H2BC4: variants seen among roughly 807,000 people sequenced by gnomAD.
H2BC4 encodes H2B clustered histone 4, also known as histone H2B type 1-C/E/F/G/I.
Under a neutral mutation model 6.2 loss-of-function variants are expected in H2BC4, and 10 were observed. That is an observed-to-expected ratio of 1.61 (90% CI 0.99 to 2.73). The LOEUF (loss-of-function observed/expected upper bound fraction) is 2.73. H2BC4 is among the 30% of genes most tolerant of loss of function. H2BC4 has a pLI of 0.00. For synonymous variants in H2BC4, 146 were observed against 70.7 expected, an observed-to-expected ratio of 2.07 and a Z score of -5.35; for missense variants, 176 against 168.7, an observed-to-expected ratio of 1.04 and a Z score of -0.24.
At chr6:26,114,914 G>A (rs1763400763) in exon 2 of H2BC4, 1 of 152,046 alleles carries the variant, frequency 6.6e-6, no homozygotes, top group African/African-American at 2.4e-5. Context: ...TATGTTTCCT[G>A]TGTCATAAAT....
intron 1 of H2BC4, among the ~76,000 whole-genome samples, chr6:26,115,803 T>A (rs2113793576): frequency 6.6e-6 from 1 of 152,338 alleles, no homozygotes; most frequent in African/African-American, 2.4e-5. Flanking sequence ...TAAAAATATA[T>A]TTATTTCAGT....
chr6:26,119,558 TC>T (rs1763471599), downstream of H2BC4, among the ~76,000 whole-genome samples: 1 of 152,198 alleles, frequency 6.6e-6, no homozygotes, highest in African/African-American at 2.4e-5. Flanking sequence ...AATGACATTA[TC>T]TATTATCATT....
downstream of H2BC4, among the ~76,000 whole-genome samples, chr6:26,119,644 C>G (rs994973939): frequency 5.3e-5 from 8 of 151,844 alleles, no homozygotes; most frequent in African/African-American, 1.9e-4. Flanking sequence ...ACCAGTACAA[C>G]TAGTGGAAGA....
At chr6:26,123,012 G>T (rs1364842017), downstream of H2BC4, among the ~76,000 whole-genome samples, 1 of 152,176 alleles carries the variant, frequency 6.6e-6, no homozygotes, top group Non-Finnish European at 1.5e-5. Context: ...AAAACAGAGG[G>T]GGAGTCCTTC....
At chr6:26,113,708 T>G (rs1317517758), downstream of H2BC4, among the ~76,000 whole-genome samples, 1 of 152,176 alleles carries the variant, frequency 6.6e-6, no homozygotes, top group Non-Finnish European at 1.5e-5. Flanking sequence ...CAACAAAATT[T>G]TATCACAGTT....
downstream of H2BC4, among the ~76,000 whole-genome samples, chr6:26,113,744 G>A (rs1387591644): frequency 6.6e-6 from 1 of 152,064 alleles, no homozygotes; most frequent in East Asian, 1.9e-4. Flanking sequence ...CTCAGAGCAG[G>A]GTATAGCATG....
At chr6:26,121,816 G>A (rs993536808), downstream of H2BC4, among the ~76,000 whole-genome samples, 1 of 151,598 alleles carries the variant, frequency 6.6e-6, no homozygotes, top group Non-Finnish European at 1.5e-5. Flanking sequence ...ACTTTGGGAG[G>A]CCAAGGCGGG....
chr6:26,123,518 G>T lies in H2BC4; in HGVS notation c.*6C>A. The T allele has an allele frequency of 7.4e-6, 12 of 1,614,204 alleles. No individual in the cohort carries two copies. The highest frequency in any genetic ancestry group is 1.7e-5 in the Admixed American group (1 of 60,032). ...GGTTAGGTGTTAAGACGCTTACTTG[G>T]AATGTTTACTTGGAGCTGGTGTACT... On this transcript the variant is annotated 3_prime_UTR_variant, in exon 1 of 1. Coordinates refer to ENST00000396984, the MANE Select transcript of H2BC4 (RefSeq NM_003526.3).
chr6:26,113,559 T>C (rs1763385619), downstream of H2BC4, among the ~76,000 whole-genome samples: 1 of 152,176 alleles, frequency 6.6e-6, no homozygotes, highest in Non-Finnish European at 1.5e-5. Context: ...CCTCACTTGT[T>C]TCTGGCTTTT....
chr6:26,113,332 A>G (rs1763382850), downstream of H2BC4, among the ~76,000 whole-genome samples: 1 of 152,188 alleles, frequency 6.6e-6, no homozygotes, highest in African/African-American at 2.4e-5. Flanking sequence ...TTTTCTACAT[A>G]CTTTGCATTT....
downstream of H2BC4, among the ~76,000 whole-genome samples, chr6:26,119,892 T>G (rs974528567): frequency 1.3e-4 from 20 of 152,062 alleles, no homozygotes; most frequent in African/African-American, 4.8e-4. Flanking sequence ...TTAAGTTATT[T>G]AAAAATTGTG....
chr6:26,115,591 G>T (rs996972910), intron 1 of H2BC4, among the ~76,000 whole-genome samples: 3 of 152,114 alleles, frequency 2.0e-5, no homozygotes, highest in South Asian at 2.1e-4. Context: ...AGCGACGAAG[G>T]CCAGGCCGTG....
chr6:26,116,919 G>C (rs1763428440), intron 1 of H2BC4, among the ~76,000 whole-genome samples: 1 of 152,090 alleles, frequency 6.6e-6, no homozygotes, highest in African/African-American at 2.4e-5. Context: ...TGGTCATCCA[G>C]GATTACACAG....
At chr6:26,117,943 G>A (rs1410825026) in intron 1 of H2BC4, among the ~76,000 whole-genome samples, 1 of 152,116 alleles carries the variant, frequency 6.6e-6, no homozygotes, top group African/African-American at 2.4e-5. Context: ...TGATTCTCTA[G>A]AAACACTTAA....
downstream of H2BC4, among the ~76,000 whole-genome samples, chr6:26,120,410 C>T (rs893458935): frequency 1.6e-4 from 24 of 151,490 alleles, no homozygotes; most frequent in African/African-American, 5.3e-4. Flanking sequence ...GATTGTGCCA[C>T]TGCACCCCAG....
Position 26,123,787 on chromosome 6 carries a change from C to G in H2BC4, c.118G>C (p.Val40Leu). ...RKRSRKESYS[V>L]YVYKVLKQVH... ...TGTTTCAGCACCTTGTACACGTACA[C>G]AGAGTAACTCTCCTTGCGGCTGCGC... is the stretch of plus-strand genomic sequence containing the variant. The change falls in exon 1 of 1, where the codon GTG (valine) becomes CTG (leucine). Residue 40 changes from valine (V) to leucine (L), a missense_variant. By Grantham distance (32) the Val-to-Leu change is conservative. Coordinates refer to ENST00000396984, the MANE Select transcript of H2BC4 (RefSeq NM_003526.3). 1 of 1,614,274 alleles carries G rather than the reference C, an allele frequency of 6.2e-7. No homozygotes were observed. Among genetic ancestry groups the G allele is most frequent in the Non-Finnish European group, 8.5e-7 (1 of 1,180,056 alleles).
chr6:26,123,307 C>G (rs1763534261), downstream of H2BC4: 4 of 845,620 alleles, frequency 4.7e-6, no homozygotes, highest in Non-Finnish European at 7.0e-6. Flanking sequence ...GAATTGACCC[C>G]AAAGCCATTT....
intron 1 of H2BC4, among the ~76,000 whole-genome samples, chr6:26,117,455 A>G (rs925226650): frequency 2.0e-5 from 3 of 152,186 alleles, no homozygotes; most frequent in African/African-American, 7.2e-5. Context: ...CACATCTTAT[A>G]TGTGGTGATC....
chr6:26,123,351 T>C (rs1189496528), downstream of H2BC4: 1 of 1,165,494 alleles, frequency 8.6e-7, no homozygotes, highest in African/African-American at 1.6e-5. Flanking sequence ...TCAGGACCCT[T>C]TGTCCCTCTC....
Sources: gnomAD v4.1 joint callset for allele counts (sites outside exome capture counted in the v4.1 genomes callset) on GRCh38, gnomAD v4.1.1 for gene constraint, MANE v1.5 for transcripts, NCBI Gene and HGNC (gene_info 2026-07-23, HGNC 2026-07-21) for gene names.